The following PLXDC2 variants were observed in gnomAD, a reference collection of about 807,000 sequenced individuals.
PLXDC2 encodes plexin domain-containing protein 2.
Under a neutral mutation model 68.9 loss-of-function variants are expected in PLXDC2, and 40 were observed. The ratio of observed to expected loss-of-function variants is 0.58; its 90% CI spans 0.45 to 0.76. The LOEUF (loss-of-function observed/expected upper bound fraction) is 0.76. Among genes scored for constraint, PLXDC2 ranks in the 30% least tolerant of loss-of-function variants. The probability of loss-of-function intolerance (pLI) is 0.00; values close to 1 mark genes in which losing one functional copy is unlikely to be tolerated. For missense variants in PLXDC2, 644 were observed against 661.9 expected, an observed-to-expected ratio of 0.97 and a Z score of 0.30; for synonymous variants, 243 against 234.2, an observed-to-expected ratio of 1.04 and a Z score of -0.34.
At chr10:19,860,222 T>A (rs928290226) in intron 1 of PLXDC2, among the ~76,000 whole-genome samples, 4 of 152,334 alleles carry the variant, frequency 2.6e-5, no homozygotes, top group African/African-American at 9.6e-5. Flanking sequence ...CAGTTTGCAA[T>A]CATTGATCTG....
chr10:19,941,648 A>T (rs926188927), intron 1 of PLXDC2, among the ~76,000 whole-genome samples: 1 of 152,160 alleles, frequency 6.6e-6, no homozygotes, highest in South Asian at 2.1e-4. Context: ...ATCCGTGTTT[A>T]TCCTTTTGAA....
At chr10:19,952,740 C>T (rs531691401) in intron 1 of PLXDC2, among the ~76,000 whole-genome samples, 3 of 152,216 alleles carry the variant, frequency 2.0e-5, no homozygotes, top group Middle Eastern at 3.4e-3. Context: ...ATACGTTGAG[C>T]TGTAAGTGAG....
chr10:19,961,643 G>C (rs1049601774), intron 1 of PLXDC2, among the ~76,000 whole-genome samples: 1 of 152,154 alleles, frequency 6.6e-6, no homozygotes, highest in Non-Finnish European at 1.5e-5. Context: ...TCACCTAAAT[G>C]GGTCAAATGG....
intron 2 of PLXDC2, among the ~76,000 whole-genome samples, chr10:20,017,605 G>A (rs747659219): frequency 2.4e-4 from 36 of 152,208 alleles, no homozygotes; most frequent in Non-Finnish European, 4.0e-4. Flanking sequence ...GACTTCCTCC[G>A]AACAGAATTC....
At chr10:19,887,259 G>A (rs1042847228) in intron 1 of PLXDC2, among the ~76,000 whole-genome samples, 3 of 152,228 alleles carry the variant, frequency 2.0e-5, no homozygotes, top group African/African-American at 4.8e-5. Flanking sequence ...AGTGGCTCAT[G>A]CCTGTAATCT....
At chr10:20,039,451 A>G (rs1277715092) in intron 2 of PLXDC2, among the ~76,000 whole-genome samples, 2 of 152,218 alleles carry the variant, frequency 1.3e-5, no homozygotes, top group Non-Finnish European at 2.9e-5. Flanking sequence ...ATGGAAATTT[A>G]TATATCAGCT....
At chr10:20,140,387 C>CATATATATAT (rs10675416) in intron 4 of PLXDC2, among the ~76,000 whole-genome samples, 3,368 of 146,910 alleles carry the variant, frequency 0.023, 49 homozygotes, top group Middle Eastern at 0.065. Context: ...AGAAAAATAA[C>CATATATATAT]ATATATATAT....
chr10:20,001,185 G>A (rs1163253537), intron 1 of PLXDC2, among the ~76,000 whole-genome samples: 1 of 152,144 alleles, frequency 6.6e-6, no homozygotes, highest in Non-Finnish European at 1.5e-5. Flanking sequence ...ACTCCTGAGG[G>A]TCTTACTTAT....
chr10:20,177,122 A>C, intron 8 of PLXDC2, 28 bp downstream of exon 8: 2 of 1,524,050 alleles, frequency 1.3e-6, no homozygotes, highest in Non-Finnish European at 1.8e-6. Flanking sequence ...CCTAGGTGGA[A>C]AACATGATTT....
chr10:20,179,550 A>G (rs1360636959), intron 9 of PLXDC2, among the ~76,000 whole-genome samples: 4 of 152,136 alleles, frequency 2.6e-5, no homozygotes, highest in African/African-American at 4.8e-5. Flanking sequence ...CCAGAAGACA[A>G]TTAGAAGAAT....
chr10:20,044,232 T>TC lies in PLXDC2; in HGVS notation c.325-2636dup, dbSNP rs1288185112. Among the ~76,000 whole-genome samples, 173 of 79,142 alleles carry TC rather than the reference T, an allele frequency of 2.2e-3. 6 individuals are homozygous for TC. Among genetic ancestry groups the TC allele is most frequent in the African/African-American group, 1.0e-2 (157 of 15,766 alleles). The allele number at this position is 79,142 out of a possible 152,430, so 51.9% of individuals were successfully genotyped here. A position where few individuals can be genotyped will look rare whatever the true frequency, so the allele number is the denominator to read the frequency against. On this transcript the variant is annotated intron_variant, in intron 2 of 13. Transcript: ENST00000377252. ...CTCTGTCTTTCTTTCTTTCTTTCTTTCTTTCTTTCTTTCTTTCTTTCTTTC... is the reference window on the plus strand; with the variant it reads ...CTCTGTCTTTCTTTCTTTCTTTCTTTCCTTTCTTTCTTTCTTTCTTTCTTTC...
chr10:20,264,306 G>T (rs1325017569), intron 13 of PLXDC2, among the ~76,000 whole-genome samples: 1 of 152,060 alleles, frequency 6.6e-6, no homozygotes, highest in Admixed American at 6.6e-5. Flanking sequence ...AGACACTGGG[G>T]TCTGCTTGAG....
intron 3 of PLXDC2, among the ~76,000 whole-genome samples, chr10:20,060,488 TAAA>T (rs58942454): frequency 0.36 from 49,533 of 138,808 alleles, 9,803 homozygotes; most frequent in Middle Eastern, 0.47. Context: ...CCTGGAATGT[TAAA>T]AAAAAAAAAA....
At chr10:20,093,750 T>G (rs1386660690) in intron 4 of PLXDC2, among the ~76,000 whole-genome samples, 1 of 152,172 alleles carries the variant, frequency 6.6e-6, no homozygotes, top group Admixed American at 6.5e-5. Context: ...CTCAGCTCAA[T>G]GCAACCTCTG....
intron 2 of PLXDC2, among the ~76,000 whole-genome samples, chr10:20,002,873 T>C (rs539459181): frequency 8.2e-4 from 125 of 152,298 alleles, no homozygotes; most frequent in Non-Finnish European, 1.6e-3. Context: ...GGGTGACCAC[T>C]GGTTCCAGTG....
chr10:20,012,361 A>G (rs544233446), intron 2 of PLXDC2, among the ~76,000 whole-genome samples: 6 of 108,848 alleles, frequency 5.5e-5, no homozygotes, highest in African/African-American at 2.1e-4. Context: ...TGTGTTTCCC[A>G]GGCTGGAGTG....
intron 9 of PLXDC2, among the ~76,000 whole-genome samples, chr10:20,189,075 C>A (rs1834725024): frequency 1.3e-5 from 1 of 75,626 alleles, no homozygotes. Flanking sequence ...TGAAATATAG[C>A]ATAAACAAGA....
chr10:19,972,264 A>G (rs1259268575), intron 1 of PLXDC2, among the ~76,000 whole-genome samples: 4 of 152,230 alleles, frequency 2.6e-5, no homozygotes, highest in East Asian at 1.9e-4. Context: ...CCGTGTAGCC[A>G]TAAAAAGAAT....
At chr10:19,995,975 A>G (rs1252763557) in intron 1 of PLXDC2, among the ~76,000 whole-genome samples, 1 of 152,204 alleles carries the variant, frequency 6.6e-6, no homozygotes, top group Non-Finnish European at 1.5e-5. Context: ...GAACATAGGC[A>G]TGATGGGGAC....
Sources: gnomAD v4.1 joint callset for allele counts (sites outside exome capture counted in the v4.1 genomes callset) on GRCh38, gnomAD v4.1.1 for gene constraint, MANE v1.5 for transcripts, NCBI Gene and HGNC (gene_info 2026-07-23, HGNC 2026-07-21) for gene names.